Variants in RBFOX1 observed in about 807,000 individuals in gnomAD.
RBFOX1 encodes RNA binding fox-1 homolog 1.
In RBFOX1, 8 loss-of-function variants were observed where a neutral mutation model predicts 57.7. The ratio of observed to expected loss-of-function variants is 0.14; its 90% confidence interval spans 0.08 to 0.25. The LOEUF is 0.25. Among genes scored for constraint, RBFOX1 ranks in the 10% least tolerant of loss-of-function variants. The pLI is 1.00. For missense variants in RBFOX1, 611 were observed against 548.5 expected (o/e 1.11, Z -1.14); for synonymous variants, 326 against 222.4 (o/e 1.47, Z -4.15).
intron 3 of RBFOX1, among the ~76,000 whole-genome samples, chr16:5,762,634 A>T (rs999773452): frequency 7.5e-4 from 114 of 152,364 alleles, no homozygotes; most frequent in Middle Eastern, 3.4e-3. Flanking sequence ...TTGTTAAATG[A>T]AGAAGTAAGT....
rs540923664 is a variant in RBFOX1 at position 6,102,955 on chromosome 16, A to G, written c.-127+82963A>G. 2.6e-5 allele frequency among the ~76,000 whole-genome samples: 4 copies of G among 152,268 alleles called. No homozygotes were observed. In the South Asian group the frequency reaches 6.2e-4, roughly 24 times the overall value. ...TCTCTGCAGGCTTCTTAGAGTGTTC[A>G]GGGCCATTCTAATGCTTTCCCTTGG... On this transcript the variant is annotated intron_variant, in intron 1 of 15. Transcript: ENST00000550418.
chr16:7,075,148 A>G (rs1258661780), intron 4 of RBFOX1, among the ~76,000 whole-genome samples: 1 of 152,224 alleles, frequency 6.6e-6, no homozygotes, highest in African/African-American at 2.4e-5. Context: ...TGATCTTACT[A>G]CAGACAAGTT....
chr16:5,769,593 C>A (rs558728800), intron 3 of RBFOX1, among the ~76,000 whole-genome samples: 1 of 151,808 alleles, frequency 6.6e-6, no homozygotes, highest in African/African-American at 2.4e-5. Flanking sequence ...GAGGAGGTTG[C>A]GGTGAGCCGA....
At chr16:7,092,734 T>C (rs914005599) in intron 4 of RBFOX1, among the ~76,000 whole-genome samples, 1 of 152,002 alleles carries the variant, frequency 6.6e-6, no homozygotes, top group African/African-American at 2.4e-5. Context: ...TTAAAAGGTA[T>C]GAAGAGCTGA....
At chr16:5,653,038 A>G (rs12933342) in intron 3 of RBFOX1, among the ~76,000 whole-genome samples, 7,427 of 83,302 alleles carry the variant, frequency 0.089, 276 homozygotes, top group African/African-American at 0.23. Context: ...CTGTGCGGAA[A>G]GTGGGGTGCT....
intron 4 of RBFOX1, among the ~76,000 whole-genome samples, chr16:7,076,077 C>G (rs1442758393): frequency 2.2e-5 from 3 of 138,946 alleles, no homozygotes; most frequent in Non-Finnish European, 4.6e-5. Flanking sequence ...GAGTCTTGTT[C>G]TATTGCCAGG....
chr16:6,923,254 C>T (rs561990558), intron 3 of RBFOX1, among the ~76,000 whole-genome samples: 1 of 152,146 alleles, frequency 6.6e-6, no homozygotes, highest in African/African-American at 2.4e-5. Flanking sequence ...GGTATCCTGG[C>T]CAGGTGTGGT....
At chr16:7,009,650 A>AGG (rs1320346496) in intron 3 of RBFOX1, among the ~76,000 whole-genome samples, 27 of 152,266 alleles carry the variant, frequency 1.8e-4, no homozygotes, top group African/African-American at 6.5e-4. Context: ...CCGTCTGGGC[A>AGG]CTTGTCACCA....
At chr16:7,297,883 G>T (rs1282844848) in intron 4 of RBFOX1, among the ~76,000 whole-genome samples, 1 of 150,098 alleles carries the variant, frequency 6.7e-6, no homozygotes, top group African/African-American at 2.5e-5. Flanking sequence ...TGATTTATTT[G>T]TTTCCGGGCC....
At chr16:7,548,261 T>C (rs1221353576) in intron 5 of RBFOX1, among the ~76,000 whole-genome samples, 1 of 152,182 alleles carries the variant, frequency 6.6e-6, no homozygotes, top group Non-Finnish European at 1.5e-5. Flanking sequence ...AATCTCTGAC[T>C]CCTGGGTTCA....
intron 2 of RBFOX1, among the ~76,000 whole-genome samples, chr16:6,581,210 A>G (rs1049556938): frequency 1.3e-5 from 2 of 152,086 alleles, no homozygotes; most frequent in Non-Finnish European, 2.9e-5. Flanking sequence ...TAGGATTTCT[A>G]AAGACCCAGG....
chr16:7,300,354 A>G (rs1398025470), intron 4 of RBFOX1, among the ~76,000 whole-genome samples: 1 of 152,210 alleles, frequency 6.6e-6, no homozygotes, highest in African/African-American at 2.4e-5. Context: ...AGGTGTTTGA[A>G]CAAGCCAGTG....
chr16:6,372,621 A>G (rs1054182386), intron 2 of RBFOX1, among the ~76,000 whole-genome samples: 27 of 149,072 alleles, frequency 1.8e-4, no homozygotes, highest in African/African-American at 6.7e-4. Flanking sequence ...ATCACTGGGC[A>G]GGAGTTTTGT....
intron 4 of RBFOX1, among the ~76,000 whole-genome samples, chr16:5,956,025 C>G (rs112726764): frequency 0.033 from 4,973 of 152,118 alleles, 263 homozygotes; most frequent in African/African-American, 0.11. Context: ...ACTTTGGGAG[C>G]CTGAGGCAGG....
At chr16:5,956,717 G>C (rs2059651069) in intron 4 of RBFOX1, among the ~76,000 whole-genome samples, 1 of 135,922 alleles carries the variant, frequency 7.4e-6, no homozygotes, top group Non-Finnish European at 1.5e-5. Context: ...CACCCAGGCT[G>C]GAGTGCACTG....
rs759781269 is a variant in RBFOX1, at chr16:5,436,837, C to CA, written c.220-30366dup. ...TGGGTGACAGAGCAAGACTCCGCTT[C>CA]AAAAAAAAAAAAAGTTCTGTCAGAT... On this transcript the variant is annotated intron_variant, in intron 1 of 2. Coordinates refer to the RBFOX1 transcript ENST00000585867. Among the ~76,000 whole-genome samples the CA allele has an allele frequency of 2.5e-3, 335 of 132,800 alleles. 1 individual carries two copies. Among genetic ancestry groups the CA allele is most frequent in the African/African-American group, 6.1e-3 (220 of 35,914 alleles). 87.1% of individuals were successfully genotyped at this position (132,800 alleles called of 152,430 possible).
intron 2 of RBFOX1, among the ~76,000 whole-genome samples, chr16:6,345,924 G>T (rs1427700289): frequency 6.6e-6 from 1 of 152,146 alleles, no homozygotes; most frequent in African/African-American, 2.4e-5. Flanking sequence ...GTCTGGAAAG[G>T]CAGGACAACT....
chr16:6,794,227 C>A (rs912511083), intron 3 of RBFOX1, among the ~76,000 whole-genome samples: 1 of 151,098 alleles, frequency 6.6e-6, no homozygotes, highest in African/African-American at 2.4e-5. Context: ...ACTTTTAGGT[C>A]CTCTCAGAGC....
At position 6,064,143 on chromosome 16, in the gene RBFOX1, G is replaced by C. The variant is rs146388258; in HGVS notation, c.-127+44151G>C. Among the ~76,000 whole-genome samples the C allele has an allele frequency of 6.7e-4, 102 of 152,206 alleles. 1 individual carries two copies. In the East Asian group the frequency reaches 0.019, roughly 29 times the overall value. On this transcript the variant is annotated intron_variant, in intron 1 of 15. Transcript: ENST00000550418. ...GCTCCTTACTACTGAAGGTATTTCA[G>C]CTACATGATCATCTGTCTAGGATAT...
Sources: allele counts gnomAD v4.1 joint callset (sites outside exome capture counted in the v4.1 genomes callset), GRCh38; gene constraint gnomAD v4.1.1; transcripts MANE v1.5; gene names NCBI Gene and HGNC (gene_info 2026-07-23, HGNC 2026-07-21).